KDM1A: variants seen among roughly 807,000 people sequenced by gnomAD.
KDM1A encodes the protein lysine demethylase 1A, also known as lysine-specific histone demethylase 1A.
A neutral mutation model predicts 109.4 loss-of-function variants in KDM1A; 49 were observed. The ratio of observed to expected loss-of-function variants is 0.45; its 90% CI spans 0.36 to 0.57. KDM1A has a LOEUF of 0.57. Among genes scored for constraint, KDM1A ranks in the 20% least tolerant of loss-of-function variants. The pLI, the probability that KDM1A is intolerant of heterozygous loss-of-function variation, is 0.00. For synonymous variants in KDM1A, 380 were observed against 415.4 expected, an observed-to-expected ratio of 0.91 and a Z score of 1.04; for missense variants, 668 against 1,116.6, an observed-to-expected ratio of 0.60 and a Z score of 5.73.
At chr1:23,030,431 C>T in intron 1 of KDM1A, 38 bp from the exon 2 acceptor site, 2 of 1,403,250 alleles carry the variant, frequency 1.4e-6, no homozygotes, top group South Asian at 1.9e-5. Flanking sequence ...TTTAAATGTT[C>T]ACTGCATTTA....
At chr1:23,063,196 T>TTGGG (rs1643050080) in intron 9 of KDM1A, among the ~76,000 whole-genome samples, 1 of 39,378 alleles carries the variant, frequency 2.5e-5, no homozygotes, top group Non-Finnish European at 6.0e-5. Context: ...GCTGTAGCAT[T>TTGGG]GGGGGGGGGG....
chr1:23,049,091 G>T (rs1642584250), intron 3 of KDM1A, among the ~76,000 whole-genome samples: 1 of 142,214 alleles, frequency 7.0e-6, no homozygotes, highest in African/African-American at 2.6e-5. Context: ...GGCAGAGGTT[G>T]CAGTGAGCCG....
In KDM1A at chr1:23,066,077, T is replaced by C; in HGVS notation, c.1179+6T>C. On this transcript the variant is annotated splice_donor_region_variant and intron_variant, in intron 10 of 20. Transcript: ENST00000400181. ...GTTAAAAGGACACTGTCAAGGTATT[T>C]TTTTCATAATTTTTCAAATCATTTT... The C allele has an allele frequency of 6.4e-7, 1 of 1,550,472 alleles. No homozygotes were observed. Among genetic ancestry groups the C allele is most frequent in the Non-Finnish European group, 8.9e-7 (1 of 1,123,206 alleles).
chr1:23,026,115 G>T (rs998034758), intron 1 of KDM1A, among the ~76,000 whole-genome samples: 7 of 151,942 alleles, frequency 4.6e-5, no homozygotes, highest in Non-Finnish European at 1.0e-4. Flanking sequence ...AAATAAAAAA[G>T]GCAGTTTGAA....
chr1:23,038,899 T>C (rs934274543), intron 2 of KDM1A, among the ~76,000 whole-genome samples: 1 of 152,198 alleles, frequency 6.6e-6, no homozygotes, highest in Admixed American at 6.5e-5. Context: ...ACTCATAATT[T>C]CATTTTGACT....
intron 2 of KDM1A, 100 bp downstream of exon 2, chr1:23,030,734 T>C: frequency 7.8e-7 from 1 of 1,289,384 alleles, no homozygotes; most frequent in Non-Finnish European, 1.1e-6. Context: ...TTATCTTTGG[T>C]TTATAATAAA....
chr1:23,068,194 C>T (rs1643208533), intron 10 of KDM1A, among the ~76,000 whole-genome samples: 2 of 152,090 alleles, frequency 1.3e-5, no homozygotes, highest in Admixed American at 6.6e-5. Context: ...GTGTTGTTTG[C>T]ATGTCAGCCA....
chr1:23,039,501 T>C (rs1642244373), intron 2 of KDM1A, among the ~76,000 whole-genome samples: 1 of 152,236 alleles, frequency 6.6e-6, no homozygotes, highest in Non-Finnish European at 1.5e-5. Flanking sequence ...TGTTTTGTTG[T>C]CTTTGTGCCA....
At chr1:23,050,603 G>A (rs1408549845) in intron 4 of KDM1A, 83 bp downstream of exon 4, 29 of 1,168,630 alleles carry the variant, frequency 2.5e-5, no homozygotes, top group Non-Finnish European at 3.1e-5. Context: ...AATAAAAAGA[G>A]AAGAAAGAAT....
At chr1:23,075,941 C>T (rs1643452136) in intron 15 of KDM1A, among the ~76,000 whole-genome samples, 1 of 151,922 alleles carries the variant, frequency 6.6e-6, no homozygotes, top group Non-Finnish European at 1.5e-5. Flanking sequence ...GAGCAAAACT[C>T]CATCTCAAAA....
At chr1:23,066,409 C>T (rs1271951796) in intron 10 of KDM1A, among the ~76,000 whole-genome samples, 1 of 152,230 alleles carries the variant, frequency 6.6e-6, no homozygotes, top group Non-Finnish European at 1.5e-5. Context: ...CTCTACCACA[C>T]ACCCTGGACC....
chr1:23,024,173 C>A (rs138326583), intron 1 of KDM1A, among the ~76,000 whole-genome samples: 3 of 152,166 alleles, frequency 2.0e-5, no homozygotes, highest in Non-Finnish European at 4.4e-5. Context: ...TGTAATTCTC[C>A]TGTGTTTATT....
chr1:23,077,011 C>T (rs921702062), intron 15 of KDM1A, among the ~76,000 whole-genome samples: 6 of 151,432 alleles, frequency 4.0e-5, no homozygotes, highest in Non-Finnish European at 7.4e-5. Context: ...CCTAATCTCA[C>T]TACCCGAAGA....
At chr1:23,027,413 CT>C (rs34416518) in intron 1 of KDM1A, among the ~76,000 whole-genome samples, 20,491 of 114,920 alleles carry the variant, frequency 0.18, 1,366 homozygotes, top group South Asian at 0.36. Context: ...GTTTTGTTTG[CT>C]TTTTTTTTTT....
At chr1:23,039,018 C>CT (rs1330408306) in intron 2 of KDM1A, among the ~76,000 whole-genome samples, 1 of 152,216 alleles carries the variant, frequency 6.6e-6, no homozygotes, top group African/African-American at 2.4e-5. Flanking sequence ...CTTTTTGAAA[C>CT]TGTGACTTTC....
rs542709540 is a variant in KDM1A at position 23,022,157 on chromosome 1, T to C, written c.351+2210T>C. Among the ~76,000 whole-genome samples, 3 of 152,324 alleles carry C rather than the reference T, an allele frequency of 2.0e-5. No homozygotes were observed. In the East Asian group the frequency reaches 5.8e-4, roughly 29 times the overall value. On this transcript the variant is annotated intron_variant, in intron 1 of 20. Coordinates refer to ENST00000400181, the MANE Select transcript of KDM1A (RefSeq NM_001009999.3). ...ATTAATGTACAGTTTATTTTGTGAATATGTTTTCAGTTCTCTTTGGGTGTG... is the reference window on the plus strand; with the variant it reads ...ATTAATGTACAGTTTATTTTGTGAACATGTTTTCAGTTCTCTTTGGGTGTG...
intron 1 of KDM1A, 32 bp downstream of exon 1, chr1:23,019,979 G>A (rs981077201): frequency 8.2e-6 from 12 of 1,457,480 alleles, no homozygotes; most frequent in East Asian, 2.9e-5. Context: ...AAACGACACC[G>A]CCTGGTGCCG....
intron 9 of KDM1A, among the ~76,000 whole-genome samples, chr1:23,063,328 AG>A (rs1307178064): frequency 1.9e-4 from 29 of 151,540 alleles, no homozygotes; most frequent in Non-Finnish European, 1.5e-5. Context: ...AGAATGGTTC[AG>A]CTGTTAAGAG....
chr1:23,062,487 T>TC (rs1384857274), intron 9 of KDM1A, among the ~76,000 whole-genome samples: 3 of 152,234 alleles, frequency 2.0e-5, no homozygotes, highest in African/African-American at 7.2e-5. Context: ...ATTAATGATG[T>TC]CATCCTGTAG....
Sources: allele counts gnomAD v4.1 joint callset (sites outside exome capture counted in the v4.1 genomes callset), GRCh38; gene constraint gnomAD v4.1.1; transcripts MANE v1.5; gene names NCBI Gene and HGNC (gene_info 2026-07-23, HGNC 2026-07-21).